The following IL3RA variants were observed in gnomAD, a reference collection of about 807,000 sequenced individuals.
The protein encoded by IL3RA is interleukin 3 receptor subunit alpha, also known as interleukin-3 receptor subunit alpha.
IL3RA carries 73 observed loss-of-function variants against 52.3 expected under a neutral mutation model. The ratio of observed to expected loss-of-function variants is 1.40; its 90% CI spans 1.16 to 1.70. The LOEUF (loss-of-function observed/expected upper bound fraction) is 1.70, where lower values mean the gene tolerates loss of function less well. IL3RA is among the 40% of genes most tolerant of loss of function. The pLI, the probability that IL3RA is intolerant of heterozygous loss-of-function variation, is 0.00. For synonymous variants in IL3RA, 260 were observed against 194.0 expected, an observed-to-expected ratio of 1.34 and a Z score of -2.83; for missense variants, 664 against 504.4, an observed-to-expected ratio of 1.32 and a Z score of -3.03.
chrX:1,362,282 C>G (rs1339896389), intron 8 of IL3RA, among the ~76,000 whole-genome samples: 3 of 150,740 alleles, frequency 2.0e-5, no homozygotes, highest in Non-Finnish European at 2.9e-5. Flanking sequence ...TTTTCTCTTT[C>G]CCTCTCTGTC....
In IL3RA at chrX:1,348,687, TTTC is replaced by T. The variant is rs2085919056; in HGVS notation, c.298+145_298+147del. 2.5e-5 allele frequency: 10 copies of T among 404,532 alleles called. No homozygotes were observed. In the South Asian group the frequency reaches 2.8e-4, roughly 11 times the overall value. The allele number at this position is 404,532 out of a possible 1,614,324, so 25.1% of individuals were successfully genotyped here. A position where few individuals can be genotyped will look rare whatever the true frequency, so the allele number is the denominator to read the frequency against. ...CTTTCTTTCTTTCTTTCTTTCTTTCTTTCTTTTTCTTTCTTTCTGTTTCTGTTT... is the reference window on the plus strand; with the variant it reads ...CTTTCTTTCTTTCTTTCTTTCTTTCTTTTTTCTTTCTTTCTGTTTCTGTTT... On this transcript the variant is annotated intron_variant, in intron 4 of 11. Coordinates refer to ENST00000331035, the MANE Select transcript of IL3RA (RefSeq NM_002183.4).
intron 8 of IL3RA, among the ~76,000 whole-genome samples, 173 bp downstream of exon 8, chrX:1,359,060 CTT>C (rs1434925466): frequency 2.0e-5 from 3 of 151,992 alleles, no homozygotes; most frequent in Non-Finnish European, 2.9e-5. Context: ...TGGACAGACT[CTT>C]GAGTGTCACC....
At chrX:1,345,072 G>C (rs1302975895) in intron 2 of IL3RA, among the ~76,000 whole-genome samples, 1 of 150,930 alleles carries the variant, frequency 6.6e-6, no homozygotes, top group Non-Finnish European at 1.5e-5. Context: ...GGGAGGCTGA[G>C]GCAGGAGAGT....
chrX:1,355,439 G>GGGA lies in IL3RA; in HGVS notation c.617-780_617-778dup, dbSNP rs1165499735. On this transcript the variant is annotated intron_variant, in intron 6 of 11. Coordinates refer to ENST00000331035, the MANE Select transcript of IL3RA (RefSeq NM_002183.4). ...GGGGGAGGAGGGGAGGGGAGGGGAGGGGAGAAAGACCAGGAGGGTAGGAGG... is the reference window on the plus strand; with the variant it reads ...GGGGGAGGAGGGGAGGGGAGGGGAGGGGAGGAGAAAGACCAGGAGGGTAGGAGG... Among the ~76,000 whole-genome samples the GGGA allele has an allele frequency of 2.4e-3, 302 of 124,848 alleles. 5 individuals carry two copies. Among genetic ancestry groups the GGGA allele is most frequent in the African/African-American group, 8.7e-3 (285 of 32,656 alleles). 81.9% of individuals were successfully genotyped at this position (124,848 alleles called of 152,430 possible). A position where few individuals can be genotyped will look rare whatever the true frequency, so the allele number is the denominator to read the frequency against.
chrX:1,368,390 G>C (rs1190317151), intron 9 of IL3RA, among the ~76,000 whole-genome samples: 1 of 151,954 alleles, frequency 6.6e-6, no homozygotes, highest in Non-Finnish European at 1.5e-5. Flanking sequence ...TTCGAGACCA[G>C]CCTGACCAAC....
intron 1 of IL3RA, among the ~76,000 whole-genome samples, chrX:1,340,115 CT>C (rs779128210): frequency 0.014 from 1,802 of 127,154 alleles, 31 homozygotes; most frequent in African/African-American, 0.042. Flanking sequence ...CTTTTCTTTT[CT>C]TTTTTTTTTT....
intron 9 of IL3RA, among the ~76,000 whole-genome samples, chrX:1,368,022 G>T (rs760035986): frequency 6.6e-6 from 1 of 152,088 alleles, no homozygotes; most frequent in Non-Finnish European, 1.5e-5. Context: ...TTGTAATAAA[G>T]ACCGAGGCGG....
At position 1,365,256 on chromosome X, in the gene IL3RA, A is replaced by G. The variant is rs762159350; in HGVS notation, c.874+4A>G. On this transcript the variant is annotated splice_donor_region_variant and intron_variant, in intron 9 of 11. Coordinates refer to ENST00000331035, the MANE Select transcript of IL3RA (RefSeq NM_002183.4). ...TGGAGCACCCCCCAGCGCTTCGGTGAGTGGGCTGTGCGGGGTGCGCGGGGT... is the reference window on the plus strand; with the variant it reads ...TGGAGCACCCCCCAGCGCTTCGGTGGGTGGGCTGTGCGGGGTGCGCGGGGT... 1.3e-6 allele frequency: 2 copies of G among 1,510,018 alleles called. No homozygotes were observed. The highest frequency in any genetic ancestry group is 1.8e-4 in the Middle Eastern group (1 of 5,446). 93.5% of individuals were successfully genotyped at this position (1,510,018 alleles called of 1,614,324 possible). A position where few individuals can be genotyped will look rare whatever the true frequency, so the allele number is the denominator to read the frequency against.
In IL3RA at chrX:1,338,116, A is replaced by G. The variant is rs183727457; in HGVS notation, c.-39+1190A>G. Among the ~76,000 whole-genome samples, 44 of 151,072 alleles carry G rather than the reference A, an allele frequency of 2.9e-4. No homozygotes were observed. In the East Asian group the frequency reaches 5.8e-3, roughly 20 times the overall value. On this transcript the variant is annotated intron_variant, in intron 1 of 11. Transcript: ENST00000331035. The stretch of plus-strand genomic sequence containing the variant: ...TAGCCAAGAGGTGGAGACAGCCCTC[A>G]TACCCCCATCTATAGATGAAGGGAG...
At chrX:1,377,816 C>T (rs1230818971) in intron 9 of IL3RA, among the ~76,000 whole-genome samples, 4 of 146,412 alleles carry the variant, frequency 2.7e-5, no homozygotes, top group Non-Finnish European at 6.0e-5. Flanking sequence ...ATCCGGGAGG[C>T]AGAGGTTGCA....
At chrX:1,367,876 G>C (rs1408234640) in intron 9 of IL3RA, among the ~76,000 whole-genome samples, 16 of 151,518 alleles carry the variant, frequency 1.1e-4, no homozygotes, top group African/African-American at 3.6e-4. Context: ...GCAAAGGAGA[G>C]GAGATTCACT....
intron 8 of IL3RA, among the ~76,000 whole-genome samples, chrX:1,359,808 T>TTC (rs373695054): frequency 0.012 from 1,524 of 130,576 alleles, 25 homozygotes; most frequent in African/African-American, 0.035. Context: ...CTCCCTCTCT[T>TTC]TCTCTCTCTC....
intron 6 of IL3RA, among the ~76,000 whole-genome samples, chrX:1,353,943 A>AGCCC (rs1187426063): frequency 9.3e-5 from 4 of 42,812 alleles, no homozygotes; most frequent in Admixed American, 2.7e-4. Flanking sequence ...GGGTCATGGG[A>AGCCC]CCCCCCCCCC....
chrX:1,367,620 G>A (rs1248102065), intron 9 of IL3RA, among the ~76,000 whole-genome samples: 16 of 94,920 alleles, frequency 1.7e-4, no homozygotes, highest in Non-Finnish European at 2.8e-4. Context: ...CGGGGTGCGC[G>A]GGGTGAGCGG....
chrX:1,367,797 C>T lies in IL3RA; in HGVS notation c.874+2545C>T, dbSNP rs763649077. ...CGGGGTGCGCGGGCTGAGCGGGGTGCGCCGGGTGAGCGGGGTGCGCGGGGT... is the reference window on the plus strand; with the variant it reads ...CGGGGTGCGCGGGCTGAGCGGGGTGTGCCGGGTGAGCGGGGTGCGCGGGGT... On this transcript the variant is annotated intron_variant, in intron 9 of 11. Coordinates refer to ENST00000331035, the MANE Select transcript of IL3RA (RefSeq NM_002183.4). 3.2e-4 allele frequency among the ~76,000 whole-genome samples: 43 copies of T among 135,844 alleles called. 1 individual carries two copies. The East Asian group carries it at 4.5e-3, about 14-fold the overall frequency. 89.1% of individuals were successfully genotyped at this position (135,844 alleles called of 152,430 possible). A position where few individuals can be genotyped will look rare whatever the true frequency, so the allele number is the denominator to read the frequency against.
chrX:1,380,802 G>A (rs779783333), intron 10 of IL3RA, among the ~76,000 whole-genome samples: 21 of 151,748 alleles, frequency 1.4e-4, no homozygotes, highest in South Asian at 6.3e-4. Context: ...GGGTGGCTCC[G>A]GTACCAGCGC....
intron 9 of IL3RA, among the ~76,000 whole-genome samples, chrX:1,370,710 C>G (rs2088523897): frequency 3.0e-5 from 1 of 33,550 alleles, no homozygotes; most frequent in Non-Finnish European, 5.0e-5. Context: ...GCCGCCCAGC[C>G]TCTGGTATTC....
At chrX:1,344,069 C>G (rs1281896004) in intron 2 of IL3RA, among the ~76,000 whole-genome samples, 5 of 152,032 alleles carry the variant, frequency 3.3e-5, no homozygotes, top group African/African-American at 1.2e-4. Context: ...GCTGGGATGA[C>G]GGGCGTGAGC....
Position 1,348,078 on chromosome X carries a change from G to A in IL3RA, c.184-353G>A, listed in dbSNP as rs1185214930. ...GAAAAAAGTCTTGGCCGGGCACGGT[G>A]GCTCACGCCTGTAATCCCAGCACTT... On this transcript the variant is annotated intron_variant, in intron 3 of 11. Coordinates refer to ENST00000331035, the MANE Select transcript of IL3RA (RefSeq NM_002183.4). Among the ~76,000 whole-genome samples the A allele has an allele frequency of 1.2e-4, 17 of 147,674 alleles. No individual in the cohort carries two copies. The East Asian group carries it at 3.4e-3, about 30-fold the overall frequency.
Sources: gnomAD v4.1 joint callset for allele counts (sites outside exome capture counted in the v4.1 genomes callset) on GRCh38, gnomAD v4.1.1 for gene constraint, MANE v1.5 for transcripts, NCBI Gene and HGNC (gene_info 2026-07-23, HGNC 2026-07-21) for gene names.